SPIDR: variants seen among roughly 807,000 people sequenced by gnomAD.
SPIDR encodes DNA repair-scaffolding protein.
SPIDR carries 93 observed loss-of-function variants against 104.6 expected under a neutral mutation model. The ratio of observed to expected loss-of-function variants is 0.89; its 90% CI spans 0.75 to 1.06. SPIDR has a LOEUF of 1.06. SPIDR is among the 50% of genes least tolerant of loss of function. The probability of loss-of-function intolerance (pLI) is 0.00; values close to 1 mark genes in which losing one functional copy is unlikely to be tolerated. For synonymous variants in SPIDR, 431 were observed against 416.9 expected (o/e 1.03, Z -0.41); for missense variants, 1,154 against 1,111.2 (o/e 1.04, Z -0.55).
At chr8:47,420,155 A>G (rs2065155811) in intron 7 of SPIDR, among the ~76,000 whole-genome samples, 1 of 152,248 alleles carries the variant, frequency 6.6e-6, no homozygotes, top group East Asian at 1.9e-4. Context: ...GCTGAGTTCA[A>G]TTCCTGGGTA....
chr8:47,544,907 AACT>A (rs2088967323), intron 8 of SPIDR, among the ~76,000 whole-genome samples: 1 of 152,200 alleles, frequency 6.6e-6, no homozygotes, highest in African/African-American at 2.4e-5. Flanking sequence ...GAAAGAATTG[AACT>A]ACTAATTATA....
At chr8:47,562,421 A>G (rs1349682878) in intron 8 of SPIDR, among the ~76,000 whole-genome samples, 1 of 152,172 alleles carries the variant, frequency 6.6e-6, no homozygotes, top group African/African-American at 2.4e-5. Flanking sequence ...GCTCTGGGGC[A>G]CCGGACAGGG....
At chr8:47,375,647 A>G (rs1243283837) in intron 5 of SPIDR, among the ~76,000 whole-genome samples, 1 of 152,154 alleles carries the variant, frequency 6.6e-6, no homozygotes, top group Non-Finnish European at 1.5e-5. Context: ...AAATTTTTTT[A>G]AAGAGGCAGT....
intron 5 of SPIDR, among the ~76,000 whole-genome samples, chr8:47,335,808 T>C (rs1177515495): frequency 6.6e-6 from 1 of 152,200 alleles, no homozygotes; most frequent in Non-Finnish European, 1.5e-5. Context: ...TGAGAAGAAG[T>C]TGTTATCTTT....
chr8:47,272,497 A>C (rs2035538355), intron 1 of SPIDR, among the ~76,000 whole-genome samples: 1 of 152,112 alleles, frequency 6.6e-6, no homozygotes. Flanking sequence ...GGATTATTGG[A>C]TAGAGATTAC....
At chr8:47,530,276 T>A (rs1388912500) in intron 8 of SPIDR, among the ~76,000 whole-genome samples, 1 of 152,102 alleles carries the variant, frequency 6.6e-6, no homozygotes, top group African/African-American at 2.4e-5. Flanking sequence ...CAGACCAGCC[T>A]GGCCAAAATG....
chr8:47,552,152 T>C (rs969554915), intron 8 of SPIDR, among the ~76,000 whole-genome samples: 2 of 152,110 alleles, frequency 1.3e-5, no homozygotes, highest in Admixed American at 6.6e-5. Flanking sequence ...GTTACAATTT[T>C]TGTTCTTTTA....
At chr8:47,334,138 G>A (rs576650972) in intron 5 of SPIDR, among the ~76,000 whole-genome samples, 2 of 152,156 alleles carry the variant, frequency 1.3e-5, no homozygotes, top group Non-Finnish European at 2.9e-5. Flanking sequence ...TAGAGAAGAT[G>A]TTATATAATT....
intron 10 of SPIDR, among the ~76,000 whole-genome samples, chr8:47,618,346 G>A (rs1448729240): frequency 1.3e-5 from 2 of 152,066 alleles, no homozygotes; most frequent in Admixed American, 1.3e-4. Context: ...ATTAAAATCT[G>A]ATATGAATTA....
At chr8:47,338,817 G>A (rs537399879) in intron 5 of SPIDR, among the ~76,000 whole-genome samples, 9 of 152,234 alleles carry the variant, frequency 5.9e-5, no homozygotes, top group South Asian at 2.1e-4. Context: ...GGGCTTCCAC[G>A]TATCCTAAGG....
intron 8 of SPIDR, among the ~76,000 whole-genome samples, chr8:47,458,708 C>T (rs528200894): frequency 8.5e-5 from 13 of 152,088 alleles, no homozygotes; most frequent in South Asian, 2.1e-4. Flanking sequence ...ACATCCTTGT[C>T]GTATTCCAGT....
intron 10 of SPIDR, among the ~76,000 whole-genome samples, chr8:47,650,234 T>A (rs1411536619): frequency 6.6e-6 from 1 of 152,150 alleles, no homozygotes; most frequent in Non-Finnish European, 1.5e-5. Flanking sequence ...ACATCTAGAT[T>A]TGATAAACAA....
intron 5 of SPIDR, among the ~76,000 whole-genome samples, chr8:47,378,286 GAC>G (rs1310459276): frequency 6.6e-6 from 1 of 152,090 alleles, no homozygotes; most frequent in Non-Finnish European, 1.5e-5. Flanking sequence ...GTATATTAAA[GAC>G]TATCTTTTCA....
chr8:47,477,625 A>G (rs191618422), intron 8 of SPIDR, among the ~76,000 whole-genome samples: 71 of 152,356 alleles, frequency 4.7e-4, no homozygotes, highest in Admixed American at 1.4e-3. Context: ...AAAAGAGCCA[A>G]ACTTTTAAGC....
chr8:47,685,911 C>T (rs2077749764), intron 11 of SPIDR, among the ~76,000 whole-genome samples: 1 of 151,834 alleles, frequency 6.6e-6, no homozygotes, highest in East Asian at 2.0e-4. Flanking sequence ...AATCCCAGCA[C>T]TTTGGGAGGC....
rs575816593 is a variant in SPIDR at position 47,340,970 on chromosome 8, G to A, written c.525+46940G>A. 6.6e-4 allele frequency among the ~76,000 whole-genome samples: 100 copies of A among 152,280 alleles called. 1 individual carries two copies. Among genetic ancestry groups the A allele is most frequent in the African/African-American group, 2.3e-3 (96 of 41,574 alleles). On this transcript the variant is annotated intron_variant, in intron 5 of 19. Coordinates refer to ENST00000297423, the MANE Select transcript of SPIDR (RefSeq NM_001080394.4). ...TTTTATAGTTAAACTAGTTGTAAGTGTAGCACTTTTCCTGAGTTCTATGAG... is the reference window on the plus strand; with the variant it reads ...TTTTATAGTTAAACTAGTTGTAAGTATAGCACTTTTCCTGAGTTCTATGAG...
intron 5 of SPIDR, chr8:47,294,390 C>T (rs868958709): frequency 4.9e-6 from 1 of 202,162 alleles, no homozygotes; most frequent in Non-Finnish European, 1.0e-5. Flanking sequence ...CACGAGTCCT[C>T]TCCCAGTGGA....
chr8:47,657,677 C>G (rs1236666820), intron 10 of SPIDR, among the ~76,000 whole-genome samples: 1 of 151,992 alleles, frequency 6.6e-6, no homozygotes, highest in Non-Finnish European at 1.5e-5. Flanking sequence ...GGGGTTCTCT[C>G]TGTGGTATTT....
intron 8 of SPIDR, among the ~76,000 whole-genome samples, chr8:47,550,623 C>T (rs2090294645): frequency 6.6e-6 from 1 of 152,112 alleles, no homozygotes; most frequent in African/African-American, 2.4e-5. Context: ...GATTTTGTAT[C>T]CTGAGACTTT....
Sources: gnomAD v4.1 joint callset for allele counts (sites outside exome capture counted in the v4.1 genomes callset) on GRCh38, gnomAD v4.1.1 for gene constraint, MANE v1.5 for transcripts, NCBI Gene and HGNC (gene_info 2026-07-23, HGNC 2026-07-21) for gene names.